The following GRIA3 variants were observed in gnomAD, a reference collection of about 807,000 sequenced individuals.
GRIA3 encodes glutamate receptor 3.
A neutral mutation model predicts 63.0 loss-of-function variants in GRIA3; 3 were observed. The ratio of observed to expected loss-of-function variants is 0.05; its 90% CI spans 0.02 to 0.12. The LOEUF (loss-of-function observed/expected upper bound fraction) is 0.12, where lower values mean the gene tolerates loss of function less well. Among genes scored for constraint, GRIA3 ranks in the 10% least tolerant of loss-of-function variants. GRIA3 has a pLI of 1.00. For missense variants in GRIA3, 347 were observed against 700.9 expected, an observed-to-expected ratio of 0.50 and a Z score of 5.70; for synonymous variants, 274 against 257.9, an observed-to-expected ratio of 1.06 and a Z score of -0.60.
chrX:123,315,738 C>T (rs2044826690), intron 3 of GRIA3, among the ~76,000 whole-genome samples: 1 of 112,118 alleles, frequency 8.9e-6, no homozygotes. Flanking sequence ...CCATATCTAG[C>T]TTCTCCATTG....
intron 3 of GRIA3, 60 bp from the exon 4 acceptor site, chrX:123,325,966 G>C (rs1471698999): frequency 1.1e-5 from 11 of 986,103 alleles, no homozygotes; most frequent in Non-Finnish European, 1.6e-5. Flanking sequence ...AAATTCAGTA[G>C]AATCTTTAAT....
intron 3 of GRIA3, among the ~76,000 whole-genome samples, chrX:123,294,153 TGG>T (rs2044672025): frequency 9.0e-6 from 1 of 111,013 alleles, no homozygotes; most frequent in Non-Finnish European, 1.9e-5. Flanking sequence ...TCAATGAGTT[TGG>T]TACTGTTATT....
intron 3 of GRIA3, among the ~76,000 whole-genome samples, chrX:123,300,348 T>C (rs1361103106): frequency 2.0e-5 from 2 of 99,433 alleles, no homozygotes; most frequent in African/African-American, 7.3e-5. Context: ...TGTGAATCTG[T>C]CTGGTCCTGG....
At chrX:123,316,940 C>T (rs962091335) in intron 3 of GRIA3, among the ~76,000 whole-genome samples, 2 of 111,497 alleles carry the variant, frequency 1.8e-5, no homozygotes, top group African/African-American at 3.3e-5. Context: ...TGTATTAGTT[C>T]GTTTTCATGC....
Position 123,483,048 on chromosome X carries a change from T to C in GRIA3, c.*2+2T>C. On this transcript the variant is annotated splice_donor_variant, in intron 15 of 15. Transcript: ENST00000620443. LOFTEE classifies it low-confidence loss of function (3UTR_SPLICE). Reference sequence around the variant, plus strand: ...AACAGAGAGTGTTAAGATCTAGGGGTACGGTTAAGGTCTAGTAAACTAATC... The same window carrying C: ...AACAGAGAGTGTTAAGATCTAGGGGCACGGTTAAGGTCTAGTAAACTAATC... The C allele has an allele frequency of 8.4e-7, 1 of 1,192,876 alleles. No homozygotes were observed. Among genetic ancestry groups the C allele is most frequent in the Non-Finnish European group, 1.1e-6 (1 of 878,632 alleles).
intron 3 of GRIA3, among the ~76,000 whole-genome samples, chrX:123,310,112 C>T (rs752903836): frequency 8.9e-6 from 1 of 112,487 alleles, no homozygotes; most frequent in African/African-American, 3.2e-5. Flanking sequence ...CTGACCCAGT[C>T]ATTATGATGG....
Sources: allele counts gnomAD v4.1 joint callset (sites outside exome capture counted in the v4.1 genomes callset), GRCh38; gene constraint gnomAD v4.1.1; transcripts MANE v1.5; gene names NCBI Gene and HGNC (gene_info 2026-07-23, HGNC 2026-07-21).